SGCD: variants seen among roughly 807,000 people sequenced by gnomAD.
SGCD encodes the protein sarcoglycan delta.
A neutral mutation model predicts 36.6 loss-of-function variants in SGCD; 18 were observed. The ratio of observed to expected loss-of-function variants is 0.49; its 90% CI spans 0.34 to 0.73. The LOEUF is 0.73. Among genes scored for constraint, SGCD ranks in the 30% least tolerant of loss-of-function variants. The pLI is 0.01. For missense variants in SGCD, 387 were observed against 346.7 expected (o/e 1.12, Z -0.92); for synonymous variants, 133 against 130.6 (o/e 1.02, Z -0.12).
chr5:155,730,561 TA>T, the SGCD span, among the ~76,000 whole-genome samples: 3 of 151,924 alleles, frequency 2.0e-5, no homozygotes, highest in African/African-American at 7.3e-5. Context: ...TTTGTATTTT[TA>T]GGAGGTTGGT....
the SGCD span, among the ~76,000 whole-genome samples, chr5:155,762,183 C>T: frequency 6.6e-6 from 1 of 151,920 alleles, no homozygotes; most frequent in Non-Finnish European, 1.5e-5. Context: ...CCCACCCTTT[C>T]CCAGGCTTGT....
At chr5:156,524,892 T>G (rs1255413559) in intron 4 of SGCD, among the ~76,000 whole-genome samples, 1 of 152,112 alleles carries the variant, frequency 6.6e-6, no homozygotes, top group African/African-American at 2.4e-5. Context: ...TCATCCACGT[T>G]GTTAAAAATG....
the SGCD span, among the ~76,000 whole-genome samples, chr5:155,853,446 C>A: frequency 6.6e-6 from 1 of 152,138 alleles, no homozygotes; most frequent in Non-Finnish European, 1.5e-5. Flanking sequence ...CTTACACCTT[C>A]TAACTCAGTT....
intron 3 of SGCD, among the ~76,000 whole-genome samples, chr5:156,247,138 A>T (rs1765458703): frequency 6.6e-6 from 1 of 152,232 alleles, no homozygotes; most frequent in African/African-American, 2.4e-5. Flanking sequence ...AAAGAATAAG[A>T]AATTAGAGAA....
intron 3 of SGCD, among the ~76,000 whole-genome samples, chr5:156,497,644 TCA>T (rs200511711): frequency 0.02 from 2,865 of 141,552 alleles, 31 homozygotes; most frequent in Non-Finnish European, 0.032. Flanking sequence ...TCTCTCTCTC[TCA>T]CACACACACA....
chr5:156,575,055 G>T (rs1461963080), intron 4 of SGCD, among the ~76,000 whole-genome samples: 1 of 152,206 alleles, frequency 6.6e-6, no homozygotes, highest in South Asian at 2.1e-4. Flanking sequence ...GCATGGAAGA[G>T]CCCTGTTTGC....
intron 7 of SGCD, among the ~76,000 whole-genome samples, chr5:156,654,088 T>C (rs1763580028): frequency 1.3e-5 from 2 of 152,074 alleles, no homozygotes; most frequent in African/African-American, 2.4e-5. Flanking sequence ...AGCAGGCAGA[T>C]TGATGGCAGA....
At chr5:156,483,886 C>T (rs115043645) in intron 3 of SGCD, among the ~76,000 whole-genome samples, 65 of 152,272 alleles carry the variant, frequency 4.3e-4, no homozygotes, top group Middle Eastern at 3.4e-3. Context: ...TGAGCTAAAT[C>T]GAGATGAAAG....
At chr5:156,491,286 T>G (rs1369204429) in intron 3 of SGCD, among the ~76,000 whole-genome samples, 2 of 152,062 alleles carry the variant, frequency 1.3e-5, no homozygotes, top group Admixed American at 1.3e-4. Context: ...ATCTATAGAT[T>G]TAATATAATC....
At chr5:156,210,983 A>G (rs1764425212) in intron 3 of SGCD, among the ~76,000 whole-genome samples, 1 of 152,164 alleles carries the variant, frequency 6.6e-6, no homozygotes, top group Non-Finnish European at 1.5e-5. Flanking sequence ...GTCATGCCAG[A>G]CTACACCAAG....
chr5:156,035,429 A>G (rs75174473), intron 1 of SGCD, among the ~76,000 whole-genome samples: 24,883 of 152,072 alleles, frequency 0.16, 2,290 homozygotes, highest in Non-Finnish European at 0.21. Flanking sequence ...AACGTAGCGA[A>G]ACCCTGTCTC....
At chr5:156,003,606 G>A (rs1758703862) in intron 1 of SGCD, among the ~76,000 whole-genome samples, 1 of 152,176 alleles carries the variant, frequency 6.6e-6, no homozygotes, top group South Asian at 2.1e-4. Context: ...TTTTTGACAA[G>A]ATAAATGACT....
chr5:156,605,169 G>T (rs149206504), intron 6 of SGCD, among the ~76,000 whole-genome samples: 7,920 of 151,932 alleles, frequency 0.052, 690 homozygotes, highest in African/African-American at 0.18. Context: ...CATTTAACAT[G>T]AGGTATATCT....
chr5:155,891,785 G>A lies in SGCD; in HGVS notation c.-282+21361G>A, dbSNP rs375151518. 6.9e-4 allele frequency among the ~76,000 whole-genome samples: 105 copies of A among 151,864 alleles called. 1 individual carries two copies. The highest frequency in any genetic ancestry group is 2.1e-3 in the African/African-American group (88 of 41,394). On this transcript the variant is annotated intron_variant, in intron 1 of 9. Coordinates refer to the SGCD transcript ENST00000517913. ...TATAGCACCCAATAGTTACCATGGC[G>A]GTTAAGGCCCTACCTGTGTTTTTCT... is the stretch of plus-strand genomic sequence containing the variant.
the SGCD span, among the ~76,000 whole-genome samples, chr5:155,747,445 A>G: frequency 7.9e-5 from 12 of 152,194 alleles, no homozygotes; most frequent in Non-Finnish European, 1.6e-4. Context: ...TCATTGATCA[A>G]TTTGTATAGG....
At chr5:156,615,451 A>G (rs1431122154) in intron 6 of SGCD, among the ~76,000 whole-genome samples, 4 of 152,240 alleles carry the variant, frequency 2.6e-5, no homozygotes, top group Non-Finnish European at 5.9e-5. Flanking sequence ...CATAAGACTT[A>G]TAGAAATTCA....
At chr5:155,970,765 A>G (rs1757992539) in intron 1 of SGCD, among the ~76,000 whole-genome samples, 1 of 152,186 alleles carries the variant, frequency 6.6e-6, no homozygotes, top group South Asian at 2.1e-4. Context: ...CAAGGTAGGC[A>G]GTATTGTTTC....
intron 3 of SGCD, among the ~76,000 whole-genome samples, chr5:156,346,038 C>G (rs2127717969): frequency 6.6e-6 from 1 of 152,062 alleles, no homozygotes; most frequent in South Asian, 2.1e-4. Context: ...CCCAGACAAA[C>G]TGAACTTTGA....
chr5:156,014,766 C>T (rs1758930293), intron 1 of SGCD, among the ~76,000 whole-genome samples: 1 of 151,986 alleles, frequency 6.6e-6, no homozygotes, highest in African/African-American at 2.4e-5. Context: ...ATTTTAGTGT[C>T]TTAGTTTAGA....
Sources: allele counts gnomAD v4.1 joint callset (sites outside exome capture counted in the v4.1 genomes callset), GRCh38; gene constraint gnomAD v4.1.1; transcripts MANE v1.5; gene names NCBI Gene and HGNC (gene_info 2026-07-23, HGNC 2026-07-21).